Variants in THAP4 observed in about 807,000 individuals in gnomAD.
THAP4 encodes peroxynitrite isomerase THAP4.
THAP4 carries 18 observed loss-of-function variants against 48.1 expected under a neutral mutation model. The observed-to-expected ratio is 0.37, with a 90% CI of 0.26 to 0.56. The LOEUF is 0.56. Among genes scored for constraint, THAP4 ranks in the 20% least tolerant of loss-of-function variants. The probability of loss-of-function intolerance (pLI) is 0.78; values close to 1 mark genes in which losing one functional copy is unlikely to be tolerated. For missense variants in THAP4, 656 were observed against 774.9 expected (o/e 0.85, Z 1.82); for synonymous variants, 345 against 324.9 (o/e 1.06, Z -0.66).
chr2:241,632,049 AGG>A (rs1444848911), intron 2 of THAP4, among the ~76,000 whole-genome samples: 11 of 151,944 alleles, frequency 7.2e-5, no homozygotes, highest in Non-Finnish European at 1.2e-4. Context: ...CTGGCATTAC[AGG>A]AGTGTGCCAC....
intron 2 of THAP4, among the ~76,000 whole-genome samples, chr2:241,621,703 C>T (rs915438952): frequency 6.6e-6 from 1 of 152,012 alleles, no homozygotes; most frequent in East Asian, 1.9e-4. Context: ...ATAAAAGGAG[C>T]AGAAGTATTT....
At chr2:241,604,672 A>C (rs1199119612) in intron 3 of THAP4, among the ~76,000 whole-genome samples, 1 of 151,912 alleles carries the variant, frequency 6.6e-6, no homozygotes. Flanking sequence ...GACCTCCCAA[A>C]GTGCTGGGAT....
At chr2:241,624,917 G>GA (rs1387222696) in intron 2 of THAP4, among the ~76,000 whole-genome samples, 5 of 152,164 alleles carry the variant, frequency 3.3e-5, no homozygotes, top group Non-Finnish European at 7.4e-5. Context: ...TTTTGCTCAG[G>GA]AGACGACAAG....
At position 241,603,099 on chromosome 2, in the gene THAP4, T is replaced by G. The variant is rs2067137975; in HGVS notation, c.1401-20A>C. The G allele has an allele frequency of 1.9e-6, 3 of 1,602,686 alleles. No homozygotes were observed. The highest frequency in any genetic ancestry group is 2.6e-6 in the Non-Finnish European group (3 of 1,169,976). ...TTGAACCTGGACGGGAAGTTGGAGTTGAGAAGCCCAGGCACTGGCCTCCAA... is the reference window on the plus strand; with the variant it reads ...TTGAACCTGGACGGGAAGTTGGAGTGGAGAAGCCCAGGCACTGGCCTCCAA... On this transcript the variant is annotated intron_variant, in intron 3 of 5. Coordinates refer to ENST00000407315, the MANE Select transcript of THAP4 (RefSeq NM_015963.6).
chr2:241,628,746 A>C (rs574965446), intron 2 of THAP4, among the ~76,000 whole-genome samples: 18 of 151,106 alleles, frequency 1.2e-4, no homozygotes, highest in African/African-American at 2.7e-4. Flanking sequence ...CAAAAAAAAA[A>C]ACAAAAAACA....
At chr2:241,587,051 G>C (rs1167110840) in intron 5 of THAP4, among the ~76,000 whole-genome samples, 1 of 152,210 alleles carries the variant, frequency 6.6e-6, no homozygotes, top group Non-Finnish European at 1.5e-5. Flanking sequence ...CTTGAAAGCA[G>C]CCAGAGGTGG....
intron 1 of THAP4, 80 bp downstream of exon 1, chr2:241,636,861 C>G (rs887211632): frequency 2.3e-6 from 2 of 857,920 alleles, no homozygotes; most frequent in African/African-American, 3.7e-5. Flanking sequence ...CCGCCCCCCG[C>G]GTTCGGGCCG....
intron 5 of THAP4, among the ~76,000 whole-genome samples, chr2:241,590,333 C>T (rs1466579332): frequency 4.7e-5 from 7 of 148,022 alleles, no homozygotes; most frequent in African/African-American, 7.8e-5. Context: ...CAGAGCTGCC[C>T]GGCTGATGAT....
chr2:241,596,244 C>T (rs1475064717), intron 5 of THAP4, among the ~76,000 whole-genome samples: 1 of 152,028 alleles, frequency 6.6e-6, no homozygotes, highest in Non-Finnish European at 1.5e-5. Context: ...TAGTGGCTCA[C>T]GCCTGTAATC....
Position 241,633,732 on chromosome 2 carries a change from C to T in THAP4, c.425G>A (p.Arg142His), listed in dbSNP as rs772558251. The T allele has an allele frequency of 1.7e-5, 27 of 1,611,300 alleles. No individual in the cohort carries two copies. The highest frequency in any genetic ancestry group is 6.7e-5 in the Admixed American group (4 of 59,930). ...TTGCAGAGCAGCTTGCTTCAACCTG[C>T]GGGACTCTGGCTTGGCCATCGGGTT... ...SGNPMAKPES[R>H]RLKQAALQGE... Residue 142 changes from arginine to histidine, a missense_variant, in exon 2 of 6, where the codon CGC becomes CAC. Physicochemically the swap from Arg to His is conservative, Grantham distance 29 (BLOSUM62 0). This residue lies in a region of THAP4 where 391 missense variants were observed against 412.4 expected (regional missense o/e 0.95). Coordinates refer to ENST00000407315, the MANE Select transcript of THAP4 (RefSeq NM_015963.6). The surrounding 1 kb of genome is among the most constrained non-coding windows in gnomAD (Gnocchi z 7.5).
At position 241,633,155 on chromosome 2, in the gene THAP4, C is replaced by A. The variant is rs552208958; in HGVS notation, c.1002G>T (p.Ser334=). The change falls in exon 2 of 6, where the codon TCG becomes TCT. Residue 334 remains serine, a synonymous_variant. Coordinates refer to ENST00000407315, the MANE Select transcript of THAP4 (RefSeq NM_015963.6). This position sits in a 1 kb window ranked among gnomAD's most constrained non-coding sequence, Gnocchi z 7.5. Reference sequence around the variant, plus strand: ...CGATGAGCTTGCAGGCCCCTGACGCCGACAGGATGACCTCGTTGATGGACA... The same window carrying A: ...CGATGAGCTTGCAGGCCCCTGACGCAGACAGGATGACCTCGTTGATGGACA... ...SPMSINEVIL[S]ASGACKLIDS... 6.2e-7 allele frequency: 1 copy of A among 1,609,314 alleles called. No individual in the cohort carries two copies. Among genetic ancestry groups the A allele is most frequent in the South Asian group, 1.1e-5 (1 of 90,644 alleles).
chr2:241,603,406 G>A lies in THAP4; in HGVS notation c.1401-327C>T, dbSNP rs1483503689. ...TCCAGCCACACCCGCACACCTGCCC[G>A]CCCCCTCCAGCGCCTTGCTCATTTT... On this transcript the variant is annotated intron_variant, in intron 3 of 5. Transcript: ENST00000407315. Among the ~76,000 whole-genome samples the A allele has an allele frequency of 5.8e-4, 63 of 107,838 alleles. 1 individual carries two copies. Among genetic ancestry groups the A allele is most frequent in the African/African-American group, 2.0e-3 (60 of 29,528 alleles). The allele number at this position is 107,838 out of a possible 152,430, so 70.7% of individuals were successfully genotyped here.
chr2:241,631,721 T>C (rs968073615), intron 2 of THAP4, among the ~76,000 whole-genome samples: 4 of 152,172 alleles, frequency 2.6e-5, no homozygotes, highest in Non-Finnish European at 5.9e-5. Flanking sequence ...CTCTTCGGCC[T>C]CCCGAAGTGC....
intron 2 of THAP4, among the ~76,000 whole-genome samples, chr2:241,609,553 G>A (rs1482443991): frequency 6.6e-6 from 1 of 152,194 alleles, no homozygotes; most frequent in Admixed American, 6.5e-5. Context: ...TTGGGATGCC[G>A]AGACGGGCAG....
In THAP4 at chr2:241,612,759, C is replaced by T. The variant is rs961753695; in HGVS notation, c.1241-6286G>A. ...GTGGGTCAGTGTTTCTCCACAGCTG[C>T]GTTCTGTGGCAGAAGACGCTAGAGT... is the stretch of plus-strand genomic sequence containing the variant. On this transcript the variant is annotated intron_variant, in intron 2 of 5. Coordinates refer to ENST00000407315, the MANE Select transcript of THAP4 (RefSeq NM_015963.6). The surrounding 1 kb of genome is among the most constrained non-coding windows in gnomAD (Gnocchi z 4.1). Among the ~76,000 whole-genome samples the T allele has an allele frequency of 3.9e-5, 6 of 152,172 alleles. No homozygotes were observed. Among genetic ancestry groups the T allele is most frequent in the Admixed American group, 1.3e-4 (2 of 15,264 alleles).
Position 241,610,699 on chromosome 2 carries a change from G to A in THAP4, c.1241-4226C>T, listed in dbSNP as rs1322527297. Among the ~76,000 whole-genome samples the A allele has an allele frequency of 1.3e-5, 2 of 151,810 alleles. No individual in the cohort carries two copies. The highest frequency in any genetic ancestry group is 2.4e-5 in the African/African-American group (1 of 41,344). The stretch of plus-strand genomic sequence containing the variant: ...TGGTCTTTCCCTCCCACCACCCACC[G>A]TGGAGTCCTCTCCGGGAGGCCCTGT... On this transcript the variant is annotated intron_variant, in intron 2 of 5. Coordinates refer to ENST00000407315, the MANE Select transcript of THAP4 (RefSeq NM_015963.6). This position sits in a 1 kb window ranked among gnomAD's most constrained non-coding sequence, Gnocchi z 4.2.
chr2:241,628,986 T>C (rs540201516), intron 2 of THAP4, among the ~76,000 whole-genome samples: 17 of 143,590 alleles, frequency 1.2e-4, no homozygotes, highest in African/African-American at 4.1e-4. Context: ...GAAACTTGGA[T>C]ACAGCAAACA....
rs149101270 is a variant in THAP4 at position 241,597,533 on chromosome 2, C to T, written c.1614+4363G>A. 4.1e-3 allele frequency among the ~76,000 whole-genome samples: 628 copies of T among 152,320 alleles called. 2 individuals carry two copies. The highest frequency in any genetic ancestry group is 0.014 in the African/African-American group (590 of 41,580). On this transcript the variant is annotated intron_variant, in intron 5 of 5. Transcript: ENST00000407315. ...ATATTGGAAAGATGATAAACACTGACTTTGTATTTGGCTACAAACAAAGTC... is the reference window on the plus strand; with the variant it reads ...ATATTGGAAAGATGATAAACACTGATTTTGTATTTGGCTACAAACAAAGTC...
In THAP4 at chr2:241,606,309, C is replaced by T. The variant is rs2067183713; in HGVS notation, c.1400+5G>A. 6.5e-7 allele frequency: 1 copy of T among 1,549,648 alleles called. No individual in the cohort carries two copies. The highest frequency in any genetic ancestry group is 8.7e-7 in the Non-Finnish European group (1 of 1,145,208). ...AGCAGGGTGGGGTGGAGGGAGACAA[C>T]TTACGAGAAGTTCAGCATGGGCTGG... On this transcript the variant is annotated splice_donor_5th_base_variant and intron_variant, in intron 3 of 5. Coordinates refer to ENST00000407315, the MANE Select transcript of THAP4 (RefSeq NM_015963.6).
Sources: gnomAD v4.1 joint callset for allele counts (sites outside exome capture counted in the v4.1 genomes callset) on GRCh38, gnomAD v4.1.1 for gene constraint, gnomAD v4.1.1 regional missense constraint, Gnocchi (gnomAD v3.1) non-coding constraint, MANE v1.5 for transcripts, NCBI Gene and HGNC (gene_info 2026-07-23, HGNC 2026-07-21) for gene names.